CSMD3: variants seen among roughly 807,000 people sequenced by gnomAD.
The protein encoded by CSMD3 is CUB and Sushi multiple domains 3.
Under a neutral mutation model 435.2 loss-of-function variants are expected in CSMD3, and 177 were observed. That is an observed-to-expected ratio of 0.41 (90% confidence interval 0.36 to 0.46). The LOEUF (loss-of-function observed/expected upper bound fraction) is 0.46, where lower values mean the gene tolerates loss of function less well. Ranked by LOEUF, CSMD3 falls within the 20% of genes least tolerant of loss-of-function variation. CSMD3 has a pLI of 0.34. For synonymous variants in CSMD3, 1,656 were observed against 1,520.5 expected (o/e 1.09, Z -2.07); for missense variants, 4,265 against 4,504.6 (o/e 0.95, Z 1.52).
At chr8:113,227,448 A>T (rs1376512658) in intron 3 of CSMD3, among the ~76,000 whole-genome samples, 2 of 151,602 alleles carry the variant, frequency 1.3e-5, no homozygotes, top group Non-Finnish European at 3.0e-5. Context: ...ATTAAAAAGA[A>T]ATATAACTTT....
At chr8:112,630,942 T>TCACA (rs5894090) in intron 22 of CSMD3, among the ~76,000 whole-genome samples, 17,910 of 140,344 alleles carry the variant, frequency 0.13, 1,337 homozygotes, top group East Asian at 0.37. Flanking sequence ...ACATCAGTAT[T>TCACA]CACACACACA....
chr8:112,808,580 G>A (rs1415769984), intron 12 of CSMD3, among the ~76,000 whole-genome samples: 1 of 152,122 alleles, frequency 6.6e-6, no homozygotes, highest in African/African-American at 2.4e-5. Context: ...AGTACCCTAA[G>A]CCCCCGCATT....
chr8:113,165,445 C>CA (rs1330610304), intron 4 of CSMD3, among the ~76,000 whole-genome samples: 2 of 152,028 alleles, frequency 1.3e-5, no homozygotes, highest in East Asian at 3.9e-4. Flanking sequence ...AACAAGTAAA[C>CA]AAAAAACTCC....
intron 5 of CSMD3, among the ~76,000 whole-genome samples, chr8:113,020,390 T>C (rs958572760): frequency 6.6e-6 from 1 of 152,098 alleles, no homozygotes; most frequent in Non-Finnish European, 1.5e-5. Flanking sequence ...ATGATTAATA[T>C]ATAAAGTACC....
chr8:112,328,057 C>G (rs1056357079), intron 45 of CSMD3, among the ~76,000 whole-genome samples: 1 of 152,142 alleles, frequency 6.6e-6, no homozygotes, highest in African/African-American at 2.4e-5. Flanking sequence ...ACCTTTCTGC[C>G]AAGTAAGGAC....
chr8:113,426,300 A>C (rs567039114), intron 1 of CSMD3, among the ~76,000 whole-genome samples: 17 of 151,580 alleles, frequency 1.1e-4, no homozygotes, highest in African/African-American at 3.4e-4. Flanking sequence ...AAACTAAATC[A>C]CTTCTAAAAA....
chr8:112,417,711 G>A (rs750017095), intron 32 of CSMD3, among the ~76,000 whole-genome samples: 2 of 152,084 alleles, frequency 1.3e-5, no homozygotes, highest in Admixed American at 6.6e-5. Flanking sequence ...GATGAAAAAG[G>A]AAAATGTAAT....
At chr8:113,085,804 A>G (rs1406888398) in intron 5 of CSMD3, among the ~76,000 whole-genome samples, 2 of 152,200 alleles carry the variant, frequency 1.3e-5, no homozygotes, top group Non-Finnish European at 2.9e-5. Context: ...GAGAGAGGTT[A>G]GTTAATGAAT....
chr8:112,771,963 A>G (rs1372138941), intron 13 of CSMD3, among the ~76,000 whole-genome samples: 3 of 152,196 alleles, frequency 2.0e-5, no homozygotes, highest in African/African-American at 7.2e-5. Flanking sequence ...TCAAACACAC[A>G]ATTGAAGATA....
chr8:112,530,430 A>T (rs905066713), intron 27 of CSMD3, among the ~76,000 whole-genome samples: 3 of 152,212 alleles, frequency 2.0e-5, no homozygotes, highest in Admixed American at 6.5e-5. Context: ...AACTTGTCAC[A>T]TATAAGGGAA....
intron 4 of CSMD3, among the ~76,000 whole-genome samples, chr8:113,111,735 A>G (rs536586194): frequency 6.6e-6 from 1 of 152,190 alleles, no homozygotes; most frequent in South Asian, 2.1e-4. Context: ...AGGCTGGAGT[A>G]CAGAGGTGTG....
chr8:112,322,674 A>C (rs1823111531), intron 45 of CSMD3, among the ~76,000 whole-genome samples: 1 of 152,042 alleles, frequency 6.6e-6, no homozygotes, highest in African/African-American at 2.4e-5. Context: ...TGCCAGGCTA[A>C]ACATCTCTTC....
At chr8:113,269,362 A>G (rs544861084) in intron 3 of CSMD3, among the ~76,000 whole-genome samples, 1 of 152,038 alleles carries the variant, frequency 6.6e-6, no homozygotes, top group East Asian at 1.9e-4. Context: ...AAGAATCAAT[A>G]GTGTGACAAT....
At chr8:112,525,813 C>G (rs1162994257) in intron 27 of CSMD3, among the ~76,000 whole-genome samples, 1 of 115,854 alleles carries the variant, frequency 8.6e-6, no homozygotes, top group East Asian at 2.5e-4. Flanking sequence ...TATATATACA[C>G]ACACATATAA....
chr8:112,682,236 G>A (rs562415430), intron 16 of CSMD3, among the ~76,000 whole-genome samples: 1 of 151,892 alleles, frequency 6.6e-6, no homozygotes, highest in South Asian at 2.1e-4. Flanking sequence ...TTTTTAAAAG[G>A]AAGCTTCTAA....
At chr8:112,260,553 T>C (rs1269234654) in intron 61 of CSMD3, among the ~76,000 whole-genome samples, 1 of 152,102 alleles carries the variant, frequency 6.6e-6, no homozygotes, top group Non-Finnish European at 1.5e-5. Flanking sequence ...AAACACCATA[T>C]CAAGATAACT....
In CSMD3 at chr8:112,523,202, G is replaced by C. The variant is rs867363440; in HGVS notation, c.4565-5977C>G. Among the ~76,000 whole-genome samples, 6 of 151,900 alleles carry C rather than the reference G, an allele frequency of 3.9e-5. No homozygotes were observed. In the South Asian group the frequency reaches 8.3e-4, roughly 21 times the overall value. ...AATGATATCAGAAGCAGGAGACTTA[G>C]ACTTAGTGTACCGTATTAAGAAAAG... On this transcript the variant is annotated intron_variant, in intron 27 of 70. Transcript: ENST00000297405.
chr8:113,136,334 A>G (rs1420866207), intron 4 of CSMD3, among the ~76,000 whole-genome samples: 1 of 151,818 alleles, frequency 6.6e-6, no homozygotes, highest in Non-Finnish European at 1.5e-5. Context: ...GAGAATTTTT[A>G]GCTACTATTA....
At chr8:112,283,506 T>C (rs1045260716) in intron 58 of CSMD3, among the ~76,000 whole-genome samples, 4 of 151,716 alleles carry the variant, frequency 2.6e-5, no homozygotes, top group African/African-American at 9.7e-5. Context: ...TATGTATTAA[T>C]ATGAATATAA....
Sources: allele counts gnomAD v4.1 joint callset (sites outside exome capture counted in the v4.1 genomes callset), GRCh38; gene constraint gnomAD v4.1.1; transcripts MANE v1.5; gene names NCBI Gene and HGNC (gene_info 2026-07-23, HGNC 2026-07-21).